LRCH1: variants seen among roughly 807,000 people sequenced by gnomAD.
LRCH1 encodes the protein leucine rich repeats and calponin homology domain containing 1.
Under a neutral mutation model 94.9 loss-of-function variants are expected in LRCH1, and 23 were observed. The ratio of observed to expected loss-of-function variants is 0.24; its 90% CI spans 0.17 to 0.34. LRCH1 has a LOEUF of 0.34. Ranked by LOEUF, LRCH1 falls within the 10% of genes least tolerant of loss-of-function variation. LRCH1 has a pLI of 1.00. For missense variants in LRCH1, 790 were observed against 945.9 expected (o/e 0.84, Z 2.16); for synonymous variants, 364 against 354.9 (o/e 1.03, Z -0.29).
In LRCH1 at chr13:46,743,904, A is replaced by T. The variant is rs1482060618; in HGVS notation, c.*2056A>T. 1.0e-6 allele frequency: 1 copy of T among 985,266 alleles called. No individual in the cohort carries two copies. The highest frequency in any genetic ancestry group is 1.7e-5 in the African/African-American group (1 of 57,230). 61.0% of individuals were successfully genotyped at this position (985,266 alleles called of 1,614,324 possible). On this transcript the variant is annotated 3_prime_UTR_variant, in exon 20 of 20. Coordinates refer to ENST00000389797, the MANE Select transcript of LRCH1 (RefSeq NM_001164211.2). The stretch of plus-strand genomic sequence containing the variant: ...ATATTTTAATTCTGGCATCCAAAGT[A>T]TTCTTTGGACGCACTTTGATTTTTT...
chr13:46,713,144 A>G (rs1050668041), intron 15 of LRCH1, among the ~76,000 whole-genome samples: 3 of 152,256 alleles, frequency 2.0e-5, no homozygotes, highest in Non-Finnish European at 2.9e-5. Flanking sequence ...TAGTTTATTC[A>G]CAAAAGTAAA....
intron 4 of LRCH1, among the ~76,000 whole-genome samples, chr13:46,684,069 C>T (rs938420065): frequency 1.3e-5 from 2 of 152,176 alleles, no homozygotes; most frequent in African/African-American, 4.8e-5. Flanking sequence ...TTACTCATAT[C>T]AGTTTTGTGG....
chr13:46,569,438 G>T (rs1348124217), intron 1 of LRCH1, among the ~76,000 whole-genome samples: 1 of 152,196 alleles, frequency 6.6e-6, no homozygotes, highest in Admixed American at 6.5e-5. Context: ...GAGCCCCAGG[G>T]ATCTAAGTAC....
At chr13:46,722,502 A>T (rs982354541) in intron 16 of LRCH1, among the ~76,000 whole-genome samples, 1 of 152,212 alleles carries the variant, frequency 6.6e-6, no homozygotes, top group African/African-American at 2.4e-5. Flanking sequence ...GTTTTCCTTC[A>T]TAGGGAAGGG....
In LRCH1 at chr13:46,687,908, G is replaced by C. The variant is rs144647504; in HGVS notation, c.879G>C (p.Gln293His). ...AGTATCTGAGCATACAAGCATGCCA[G>C]ATTAAGACAGCTGACTCCCTTTATC... The part of the protein sequence containing the change: ...IFKYLSIQAC[Q>H]IKTADSLYLH... Residue 293 changes from glutamine (Q) to histidine (H), a missense_variant, in exon 6 of 20, where the codon CAG (glutamine) becomes CAC (histidine). Transcript: ENST00000389797. 37 of 1,613,408 alleles carry C rather than the reference G, an allele frequency of 2.3e-5. No individual in the cohort carries two copies. Among genetic ancestry groups the C allele is most frequent in the African/African-American group, 1.7e-4 (13 of 74,930 alleles).
At chr13:46,703,529 T>C (rs1871596380) in intron 11 of LRCH1, among the ~76,000 whole-genome samples, 1 of 152,160 alleles carries the variant, frequency 6.6e-6, no homozygotes, top group African/African-American at 2.4e-5. Context: ...TCTAAGAACT[T>C]ATCCTAAGAG....
chr13:46,718,693 A>C (rs1401225487), intron 16 of LRCH1, among the ~76,000 whole-genome samples: 1 of 152,216 alleles, frequency 6.6e-6, no homozygotes, highest in Non-Finnish European at 1.5e-5. Flanking sequence ...AGCTAGTGAG[A>C]GTTCTGATTC....
intron 19 of LRCH1, 55 bp downstream of exon 19, chr13:46,734,053 T>C (rs1873248157): frequency 3.1e-6 from 3 of 983,076 alleles, no homozygotes; most frequent in Non-Finnish European, 4.7e-6. Flanking sequence ...TTATTTAATA[T>C]ATGAGTTTGA....
chr13:46,593,313 A>G (rs2050522847), intron 1 of LRCH1, among the ~76,000 whole-genome samples: 1 of 109,126 alleles, frequency 9.2e-6, no homozygotes, highest in African/African-American at 3.7e-5. Context: ...TCCATTTGAC[A>G]TCTGAATCCT....
chr13:46,619,487 C>T (rs527391509), intron 1 of LRCH1, among the ~76,000 whole-genome samples: 10 of 152,200 alleles, frequency 6.6e-5, no homozygotes, highest in Non-Finnish European at 8.8e-5. Flanking sequence ...CAGGAATTTT[C>T]GGGAAATCCA....
At chr13:46,649,081 C>G (rs1018191308) in intron 1 of LRCH1, among the ~76,000 whole-genome samples, 1 of 152,158 alleles carries the variant, frequency 6.6e-6, no homozygotes, top group African/African-American at 2.4e-5. Flanking sequence ...AGAATTCTCC[C>G]TCTGAAGCTA....
chr13:46,553,371 G>A lies in LRCH1; in HGVS notation c.-26G>A. On this transcript the variant is annotated 5_prime_UTR_variant, in exon 1 of 20. Coordinates refer to ENST00000389797, the MANE Select transcript of LRCH1 (RefSeq NM_001164211.2). ...TGTGACCCCCCCGCAGGAGCGGCGGGGCGGGGTGGGGGGGCCCGGGAGAAG... is the reference window on the plus strand; with the variant it reads ...TGTGACCCCCCCGCAGGAGCGGCGGAGCGGGGTGGGGGGGCCCGGGAGAAG... The A allele has an allele frequency of 6.6e-7, 1 of 1,510,912 alleles. No individual in the cohort carries two copies. Among genetic ancestry groups the A allele is most frequent in the Non-Finnish European group, 8.8e-7 (1 of 1,132,638 alleles). The allele number at this position is 1,510,912 out of a possible 1,614,324, so 93.6% of individuals were successfully genotyped here.
At position 46,606,716 on chromosome 13, in the gene LRCH1, C is replaced by T. The variant is rs148433111; in HGVS notation, c.308-43485C>T. Among the ~76,000 whole-genome samples the T allele has an allele frequency of 1.7e-3, 252 of 152,204 alleles. 2 individuals carry two copies. The highest frequency in any genetic ancestry group is 5.9e-3 in the African/African-American group (246 of 41,528). ...CCTCCTGAGTAGTTGGACTTACAGG[C>T]GTGGGCCACTACGCTCGGCCAATTT... On this transcript the variant is annotated intron_variant, in intron 1 of 19. Coordinates refer to ENST00000389797, the MANE Select transcript of LRCH1 (RefSeq NM_001164211.2).
intron 19 of LRCH1, among the ~76,000 whole-genome samples, chr13:46,736,249 G>C (rs1417987732): frequency 6.6e-6 from 1 of 151,960 alleles, no homozygotes; most frequent in Non-Finnish European, 1.5e-5. Flanking sequence ...GTTAACAGTT[G>C]AACTTCTTTA....
intron 17 of LRCH1, among the ~76,000 whole-genome samples, chr13:46,728,158 C>A (rs1401474010): frequency 6.6e-6 from 1 of 152,040 alleles, no homozygotes; most frequent in Non-Finnish European, 1.5e-5. Flanking sequence ...GCTCAGGCAT[C>A]TCCCCACCTC....
intron 19 of LRCH1, among the ~76,000 whole-genome samples, 199 bp downstream of exon 19, chr13:46,734,197 A>G (rs915072168): frequency 2.6e-5 from 4 of 152,190 alleles, no homozygotes. Flanking sequence ...AATATGTTCA[A>G]TTCTGAGGAA....
At chr13:46,587,112 C>CA (rs1465379588) in intron 1 of LRCH1, among the ~76,000 whole-genome samples, 1 of 152,152 alleles carries the variant, frequency 6.6e-6, no homozygotes, top group Non-Finnish European at 1.5e-5. Flanking sequence ...TTTACCAATC[C>CA]AAGTTGCTTG....
intron 1 of LRCH1, among the ~76,000 whole-genome samples, chr13:46,636,339 C>T (rs1347098279): frequency 6.6e-6 from 1 of 151,938 alleles, no homozygotes; most frequent in African/African-American, 2.4e-5. Context: ...CCCAAAGTGC[C>T]AGGATTACAG....
intron 3 of LRCH1, among the ~76,000 whole-genome samples, chr13:46,672,682 C>T (rs1485186982): frequency 6.6e-6 from 1 of 152,216 alleles, no homozygotes; most frequent in Non-Finnish European, 1.5e-5. Flanking sequence ...TTCTTGGGCA[C>T]CCTGTCCTGG....
Sources: allele counts gnomAD v4.1 joint callset (sites outside exome capture counted in the v4.1 genomes callset), GRCh38; gene constraint gnomAD v4.1.1; transcripts MANE v1.5; gene names NCBI Gene and HGNC (gene_info 2026-07-23, HGNC 2026-07-21).